Variants in CREB5 observed in about 807,000 individuals in gnomAD.
CREB5 encodes the protein cAMP responsive element binding protein 5, also known as cyclic AMP-responsive element-binding protein 5.
Under a neutral mutation model 57.1 loss-of-function variants are expected in CREB5, and 19 were observed. The ratio of observed to expected loss-of-function variants is 0.33; its 90% confidence interval spans 0.23 to 0.49. The LOEUF (loss-of-function observed/expected upper bound fraction) is 0.49, where lower values mean the gene tolerates loss of function less well. Among genes scored for constraint, CREB5 ranks in the 20% least tolerant of loss-of-function variants. The probability of loss-of-function intolerance (pLI) is 0.99; values close to 1 mark genes in which losing one functional copy is unlikely to be tolerated. For missense variants in CREB5, 579 were observed against 671.6 expected (o/e 0.86, Z 1.52); for synonymous variants, 238 against 238.3 (o/e 1.00, Z 0.01).
intron 5 of CREB5, among the ~76,000 whole-genome samples, chr7:28,676,087 T>C (rs1419330943): frequency 6.6e-6 from 1 of 152,010 alleles, no homozygotes; most frequent in African/African-American, 2.4e-5. Context: ...GGTATAAAAA[T>C]CTCCAGCAAG....
At chr7:28,487,778 T>C (rs1421465821) in intron 1 of CREB5, among the ~76,000 whole-genome samples, 2 of 152,152 alleles carry the variant, frequency 1.3e-5, no homozygotes, top group East Asian at 1.9e-4. Flanking sequence ...CTGTCCTAAG[T>C]AGCAAATCCC....
chr7:28,587,389 T>G (rs552901264), intron 5 of CREB5, among the ~76,000 whole-genome samples: 19 of 152,316 alleles, frequency 1.2e-4, no homozygotes, highest in Non-Finnish European at 2.4e-4. Context: ...TCTGGGTACA[T>G]GCTCAGCCTC....
intron 1 of CREB5, among the ~76,000 whole-genome samples, chr7:28,404,098 A>G (rs918600248): frequency 1.1e-4 from 16 of 152,136 alleles, no homozygotes; most frequent in Admixed American, 3.9e-4. Flanking sequence ...AACAAGCTCA[A>G]CCACCTTTAT....
intron 5 of CREB5, among the ~76,000 whole-genome samples, chr7:28,602,987 C>T (rs936600077): frequency 6.6e-6 from 1 of 152,192 alleles, no homozygotes; most frequent in Non-Finnish European, 1.5e-5. Flanking sequence ...AACACCCAAC[C>T]TCCTTGTACA....
At chr7:28,410,064 G>T, upstream of CREB5, 1 of 410,518 alleles carries the variant, frequency 2.4e-6, no homozygotes, top group South Asian at 1.8e-5. Flanking sequence ...CACCTAGGGG[G>T]CGGGTGGGCG....
rs567278553 is a variant in CREB5 at position 28,651,790 on chromosome 7, T to C, written c.465-66963T>C. Among the ~76,000 whole-genome samples the C allele has an allele frequency of 1.3e-4, 20 of 152,316 alleles. No homozygotes were observed. In the East Asian group the frequency reaches 3.9e-3, roughly 29 times the overall value. ...TACATTTTGATTTTAATTTTAATTT[T>C]ATTCTTTTATTGGAAGTGCTACACC... On this transcript the variant is annotated intron_variant, in intron 5 of 10. Transcript: ENST00000357727.
At chr7:28,391,746 C>T (rs1787220577) in intron 1 of CREB5, among the ~76,000 whole-genome samples, 1 of 152,200 alleles carries the variant, frequency 6.6e-6, no homozygotes, top group African/African-American at 2.4e-5. Context: ...ACAAATCAAT[C>T]TTCCATCTCT....
At chr7:28,587,035 A>G (rs1315927661) in intron 5 of CREB5, among the ~76,000 whole-genome samples, 1 of 152,264 alleles carries the variant, frequency 6.6e-6, no homozygotes, top group Non-Finnish European at 1.5e-5. Flanking sequence ...TGACCAACCA[A>G]GATAACATCA....
chr7:28,679,974 A>T (rs535622882), intron 5 of CREB5, among the ~76,000 whole-genome samples: 2 of 152,256 alleles, frequency 1.3e-5, no homozygotes, highest in South Asian at 4.1e-4. Context: ...GCTTCACCTG[A>T]TATTTTTCTA....
At chr7:28,570,313 G>T in intron 4 of CREB5, 52 bp from the exon 5 acceptor site, 1 of 1,558,480 alleles carries the variant, frequency 6.4e-7, no homozygotes, top group South Asian at 1.2e-5. Context: ...CTTGAGAGTA[G>T]AATAAAAACA....
chr7:28,752,490 C>G (rs73077857), intron 7 of CREB5, among the ~76,000 whole-genome samples: 3,093 of 152,282 alleles, frequency 0.02, 58 homozygotes, highest in South Asian at 0.078. Flanking sequence ...TAATATGTAT[C>G]TCAGAAGAAT....
At chr7:28,764,750 G>C (rs1012731814) in intron 7 of CREB5, among the ~76,000 whole-genome samples, 2 of 152,122 alleles carry the variant, frequency 1.3e-5, no homozygotes, top group East Asian at 3.8e-4. Context: ...TGTTTTCATA[G>C]GTAATTGAGG....
chr7:28,649,447 G>T (rs920229739), intron 5 of CREB5, among the ~76,000 whole-genome samples: 1 of 152,230 alleles, frequency 6.6e-6, no homozygotes, highest in Non-Finnish European at 1.5e-5. Flanking sequence ...TATGGCAGCT[G>T]AGTGGAGCAG....
chr7:28,784,415 AG>A (rs762676353), intron 7 of CREB5, among the ~76,000 whole-genome samples: 1 of 151,964 alleles, frequency 6.6e-6, no homozygotes, highest in Non-Finnish European at 1.5e-5. Flanking sequence ...TAACCACAGC[AG>A]GGGGAAAGTG....
intron 5 of CREB5, among the ~76,000 whole-genome samples, chr7:28,616,429 G>T (rs1446359168): frequency 6.6e-6 from 1 of 152,050 alleles, no homozygotes; most frequent in African/African-American, 2.4e-5. Context: ...ACTTCTTCAA[G>T]CGTGTGACCC....
chr7:28,692,189 A>T lies in CREB5; in HGVS notation c.465-26564A>T, dbSNP rs543917426. 6.4e-4 allele frequency among the ~76,000 whole-genome samples: 97 copies of T among 150,872 alleles called. 1 individual carries two copies. In the South Asian group the frequency reaches 7.4e-3, roughly 11 times the overall value. On this transcript the variant is annotated intron_variant, in intron 5 of 10. Coordinates refer to ENST00000357727, the MANE Select transcript of CREB5 (RefSeq NM_182898.4). ...TCACAGAGCGAGACTCCGTCTCCAAAAAAAAAAAAGCAGCAGCTGTGGAAT... is the reference window on the plus strand; with the variant it reads ...TCACAGAGCGAGACTCCGTCTCCAATAAAAAAAAAGCAGCAGCTGTGGAAT...
At chr7:28,330,042 T>C (rs907710218) in intron 1 of CREB5, among the ~76,000 whole-genome samples, 1 of 152,238 alleles carries the variant, frequency 6.6e-6, no homozygotes, top group African/African-American at 2.4e-5. Context: ...CTACTCTTGA[T>C]GCCTGCAAGG....
intron 5 of CREB5, among the ~76,000 whole-genome samples, chr7:28,604,401 A>G (rs1797034601): frequency 6.6e-6 from 1 of 151,246 alleles, no homozygotes; most frequent in African/African-American, 2.4e-5. Flanking sequence ...GAGCTAGATA[A>G]TAAGAGGCAA....
At position 28,824,800 on chromosome 7, in the gene CREB5, G is replaced by A. The variant is rs898701414; in HGVS notation, c.*5521G>A. On this transcript the variant is annotated 3_prime_UTR_variant, in exon 11 of 11. Coordinates refer to ENST00000357727, the MANE Select transcript of CREB5 (RefSeq NM_182898.4). Reference sequence around the variant, plus strand: ...AGCTATTTAACCACAGCTGAAGTGGGGGGTAAGGCCAAATTGCCAACACTT... The same window carrying A: ...AGCTATTTAACCACAGCTGAAGTGGAGGGTAAGGCCAAATTGCCAACACTT... The A allele has an allele frequency of 2.0e-5, 3 of 152,546 alleles. No individual in the cohort carries two copies. Among genetic ancestry groups the A allele is most frequent in the Admixed American group, 1.3e-4 (2 of 15,264 alleles). 9.4% of individuals were successfully genotyped at this position (152,546 alleles called of 1,614,324 possible).
Sources: gnomAD v4.1 joint callset for allele counts (sites outside exome capture counted in the v4.1 genomes callset) on GRCh38, gnomAD v4.1.1 for gene constraint, MANE v1.5 for transcripts, NCBI Gene and HGNC (gene_info 2026-07-23, HGNC 2026-07-21) for gene names.